RAB40A: variants seen among roughly 807,000 people sequenced by gnomAD.
The protein encoded by RAB40A is RAB40A, member RAS oncogene family, also known as ras-related protein Rab-40A.
For missense variants in RAB40A, 145 were observed against 230.2 expected, an observed-to-expected ratio of 0.63 and a Z score of 2.40; for synonymous variants, 65 against 99.9, an observed-to-expected ratio of 0.65 and a Z score of 2.08.
chrX:103,519,203 A>G (rs2147597295), intron 1 of RAB40A, among the ~76,000 whole-genome samples, 167 bp downstream of exon 1: 1 of 111,970 alleles, frequency 8.9e-6, no homozygotes, highest in South Asian at 3.7e-4. Context: ...TTTTTTTATT[A>G]TACTTTTAAG....
chrX:103,514,145 G>A (rs747770146), intron 2 of RAB40A, among the ~76,000 whole-genome samples: 33 of 111,498 alleles, frequency 3.0e-4, no homozygotes, highest in African/African-American at 8.2e-4. Context: ...ATATGAATGG[G>A]TATTTGTTCT....
chrX:103,510,339 C>T (rs981648754), intron 2 of RAB40A, among the ~76,000 whole-genome samples: 7 of 112,087 alleles, frequency 6.2e-5, no homozygotes, highest in African/African-American at 9.7e-5. Flanking sequence ...GAGGGAACTA[C>T]GAGCACCAAA....
chrX:103,507,398 ACAGTCTT>A (rs1470134291), intron 2 of RAB40A, among the ~76,000 whole-genome samples: 51 of 98,800 alleles, frequency 5.2e-4, no homozygotes, highest in African/African-American at 2.6e-3. Context: ...TTGTTTTAAT[ACAGTCTT>A]TAGTGGTTTT....
chrX:103,505,495 C>G (rs1235930579), intron 2 of RAB40A, among the ~76,000 whole-genome samples: 5 of 111,520 alleles, frequency 4.5e-5, no homozygotes, highest in Admixed American at 1.9e-4. Flanking sequence ...GCCCCTTACT[C>G]TTTTTTTTAG....
At chrX:103,506,949 T>G (rs1369125008) in intron 2 of RAB40A, among the ~76,000 whole-genome samples, 3 of 112,175 alleles carry the variant, frequency 2.7e-5, no homozygotes, top group African/African-American at 9.7e-5. Flanking sequence ...GGGATACATG[T>G]GCAGAACGTG....
At chrX:103,497,596 C>A (rs1373913628), downstream of RAB40A, 1 of 111,737 alleles carries the variant, frequency 8.9e-6, no homozygotes, top group African/African-American at 3.3e-5. Context: ...CTGGAGGGAT[C>A]CACCCTGACC....
chrX:103,493,451 G>A, the RAB40A span, among the ~76,000 whole-genome samples: 1 of 111,220 alleles, frequency 9.0e-6, no homozygotes, highest in Admixed American at 9.5e-5. Flanking sequence ...TACTCTTTTA[G>A]TTATTTTGAA....
At chrX:103,504,080 A>T (rs1271604051) in intron 2 of RAB40A, among the ~76,000 whole-genome samples, 1 of 111,890 alleles carries the variant, frequency 8.9e-6, no homozygotes, top group African/African-American at 3.3e-5. Flanking sequence ...TAACACAGGA[A>T]CAAAAAACCA....
chrX:103,493,793 C>T, the RAB40A span, among the ~76,000 whole-genome samples: 3 of 112,062 alleles, frequency 2.7e-5, no homozygotes, highest in African/African-American at 6.5e-5. Flanking sequence ...ACTAGTACTC[C>T]GTTGTGTATG....
chrX:103,501,772 C>T (rs1334045143), intron 2 of RAB40A: 1 of 123,088 alleles, frequency 8.1e-6, no homozygotes, highest in African/African-American at 3.3e-5. Flanking sequence ...CTTTTATCAC[C>T]TATCATCTGA....
At chrX:103,500,938 A>G (rs766526229) in intron 2 of RAB40A, 112 bp from the exon 3 acceptor site, 964 of 872,592 alleles carry the variant, frequency 1.1e-3, no homozygotes, top group Non-Finnish European at 1.4e-3. Flanking sequence ...TAGGAAACTG[A>G]TTCAGCGATT....
At chrX:103,508,485 G>A (rs1334377031) in intron 2 of RAB40A, among the ~76,000 whole-genome samples, 1 of 111,994 alleles carries the variant, frequency 8.9e-6, no homozygotes, top group Non-Finnish European at 1.9e-5. Flanking sequence ...AATATGACAT[G>A]AAGTGGGACT....
At chrX:103,515,029 A>G (rs2073309610) in intron 2 of RAB40A, among the ~76,000 whole-genome samples, 2 of 112,173 alleles carry the variant, frequency 1.8e-5, no homozygotes, top group African/African-American at 6.5e-5. Context: ...AAATGATTCC[A>G]AGTTCAAACT....
At chrX:103,496,920 A>T (rs1387534977), downstream of RAB40A, among the ~76,000 whole-genome samples, 1 of 112,033 alleles carries the variant, frequency 8.9e-6, no homozygotes, top group Non-Finnish European at 1.9e-5. Context: ...AACACTCTTG[A>T]TCTATAAATG....
At chrX:103,513,149 G>A (rs763546743) in intron 2 of RAB40A, among the ~76,000 whole-genome samples, 34 of 112,030 alleles carry the variant, frequency 3.0e-4, no homozygotes, top group Non-Finnish European at 1.9e-5. Flanking sequence ...ACAGCCAGAT[G>A]ACATTTCTAC....
chrX:103,514,659 A>C, intron 2 of RAB40A, among the ~76,000 whole-genome samples: 1 of 111,964 alleles, frequency 8.9e-6, no homozygotes, highest in Admixed American at 9.5e-5. Context: ...CCCAGACTTT[A>C]AGTGAATTTC....
chrX:103,514,257 T>G (rs2073305801), intron 2 of RAB40A, among the ~76,000 whole-genome samples: 2 of 112,276 alleles, frequency 1.8e-5, no homozygotes, highest in African/African-American at 6.5e-5. Flanking sequence ...TATATACATA[T>G]GTAACAAAGG....
Position 103,500,797 on chromosome X carries a change from G to A in RAB40A, c.-41C>T. On this transcript the variant is annotated 5_prime_UTR_variant, in exon 3 of 3. Transcript: ENST00000304236. ...CTCCCGCCTGAGCCAGGCCCGCGGG[G>A]TTGTGCGCAGAGGTGGTGCCGGGCC... 5 of 1,187,099 alleles carry A rather than the reference G, an allele frequency of 4.2e-6. No homozygotes were observed. Among genetic ancestry groups the A allele is most frequent in the East Asian group, 3.0e-5 (1 of 33,646 alleles).
At chrX:103,497,002 G>A (rs1254665502), downstream of RAB40A, among the ~76,000 whole-genome samples, 1 of 111,589 alleles carries the variant, frequency 9.0e-6, no homozygotes, top group African/African-American at 3.3e-5. Context: ...AGCACCATTA[G>A]ATGAGGAATG....
Sources: gnomAD v4.1 joint callset for allele counts (sites outside exome capture counted in the v4.1 genomes callset) on GRCh38, gnomAD v4.1.1 for gene constraint, MANE v1.5 for transcripts, NCBI Gene and HGNC (gene_info 2026-07-23, HGNC 2026-07-21) for gene names.